TENT5D: variants seen among roughly 807,000 people sequenced by gnomAD.
TENT5D encodes the protein terminal nucleotidyltransferase 5D.
For synonymous variants in TENT5D, 103 were observed against 100.6 expected (o/e 1.02, Z -0.15); for missense variants, 191 against 287.0 (o/e 0.67, Z 2.42).
chrX:80,347,737 AGTCTTTGCCCATGCCTAC>A (rs1311765053), intron 3 of TENT5D, among the ~76,000 whole-genome samples: 2 of 112,067 alleles, frequency 1.8e-5, no homozygotes, highest in East Asian at 5.6e-4. Flanking sequence ...TTAGTCATGA[AGTCTTTGCCCATGCCTAC>A]GTCCTGAATG....
intron 3 of TENT5D, among the ~76,000 whole-genome samples, chrX:80,351,353 T>C (rs1405973097): frequency 9.3e-6 from 1 of 107,915 alleles, no homozygotes; most frequent in Non-Finnish European, 1.9e-5. Context: ...GTTTCAATGT[T>C]TTTTTTTTCT....
intron 3 of TENT5D, among the ~76,000 whole-genome samples, chrX:80,396,293 A>G (rs1244096184): frequency 9.7e-6 from 1 of 103,023 alleles, no homozygotes; most frequent in African/African-American, 3.6e-5. Context: ...TTTTTCTTTT[A>G]TTGATCATTC....
At chrX:80,365,895 T>C (rs1194499786) in intron 3 of TENT5D, among the ~76,000 whole-genome samples, 1 of 111,009 alleles carries the variant, frequency 9.0e-6, no homozygotes, top group Non-Finnish European at 1.9e-5. Flanking sequence ...TTAAAGTATT[T>C]AGCAAACTAC....
At chrX:80,384,989 A>G (rs1930961021) in intron 3 of TENT5D, among the ~76,000 whole-genome samples, 1 of 111,701 alleles carries the variant, frequency 9.0e-6, no homozygotes, top group Admixed American at 9.5e-5. Flanking sequence ...GAAAATGGCC[A>G]TACTGCCCAA....
chrX:80,385,730 AAAAC>A lies in TENT5D; in HGVS notation c.-142+43173_-142+43176del, dbSNP rs771843281. Among the ~76,000 whole-genome samples, 11 of 112,411 alleles carry A rather than the reference AAAAC, an allele frequency of 9.8e-5. No individual in the cohort carries two copies. The East Asian group carries it at 1.9e-3, about 20-fold the overall frequency. On this transcript the variant is annotated intron_variant, in intron 3 of 4. Transcript: ENST00000538312. The stretch of plus-strand genomic sequence containing the variant: ...AGAACTTAAACAAATGTACAAGAAA[AAAAC>A]AAACAACCCCATCAACAAGTGGGTG...
At chrX:80,415,542 C>A (rs1452483323), upstream of TENT5D, among the ~76,000 whole-genome samples, 1 of 111,808 alleles carries the variant, frequency 8.9e-6, no homozygotes, top group Non-Finnish European at 1.9e-5. Flanking sequence ...GCCTTTTCTG[C>A]ATCTATTGAG....
At chrX:80,441,571 A>G (rs1932282583) in intron 2 of TENT5D, among the ~76,000 whole-genome samples, 1 of 111,355 alleles carries the variant, frequency 9.0e-6, no homozygotes, top group South Asian at 3.7e-4. Context: ...AATGTTATTT[A>G]CTTTCCTAGA....
chrX:80,414,956 G>A (rs1247525731), intron 3 of TENT5D, among the ~76,000 whole-genome samples: 1 of 111,184 alleles, frequency 9.0e-6, no homozygotes, highest in Non-Finnish European at 1.9e-5. Flanking sequence ...TTTGTATTAT[G>A]TCTGATATTT....
chrX:80,386,706 T>C (rs1032634823), intron 3 of TENT5D, among the ~76,000 whole-genome samples: 1 of 111,580 alleles, frequency 9.0e-6, no homozygotes, highest in African/African-American at 3.3e-5. Flanking sequence ...CCAGTGTGGA[T>C]TCAGAAATTA....
chrX:80,412,874 G>T (rs964864609), intron 3 of TENT5D, among the ~76,000 whole-genome samples: 54 of 111,579 alleles, frequency 4.8e-4, no homozygotes, highest in African/African-American at 1.5e-3. Context: ...ATAACCTGTG[G>T]ATTCCAGGTT....
At chrX:80,384,692 A>T (rs1930953638) in intron 3 of TENT5D, among the ~76,000 whole-genome samples, 1 of 103,976 alleles carries the variant, frequency 9.6e-6, no homozygotes, top group Non-Finnish European at 2.0e-5. Flanking sequence ...TCTCAGCCCA[A>T]AATCTCCTGA....
chrX:80,335,789 G>A (rs769453406), intron 2 of TENT5D: 1 of 111,383 alleles, frequency 9.0e-6, no homozygotes, highest in Non-Finnish European at 1.9e-5. Flanking sequence ...TAGCGCGGCT[G>A]GTAAATTTGA....
At chrX:80,358,668 A>C (rs1267575497) in intron 3 of TENT5D, among the ~76,000 whole-genome samples, 1 of 112,213 alleles carries the variant, frequency 8.9e-6, no homozygotes, top group African/African-American at 3.2e-5. Context: ...CCTTTGTTGA[A>C]TCTAACCAGT....
chrX:80,377,359 ATTT>A (rs1930751247), intron 3 of TENT5D, among the ~76,000 whole-genome samples: 1 of 110,788 alleles, frequency 9.0e-6, no homozygotes, highest in Admixed American at 9.7e-5. Flanking sequence ...TACGTTAGGT[ATTT>A]CTCCTAATAC....
rs1930463074 is a variant in TENT5D, at chrX:80,364,247, C to G, written c.-142+21683C>G. Among the ~76,000 whole-genome samples, 3 of 111,477 alleles carry G rather than the reference C, an allele frequency of 2.7e-5. No homozygotes were observed. The Admixed American group carries it at 2.9e-4, about 11-fold the overall frequency. On this transcript the variant is annotated intron_variant, in intron 3 of 4. Transcript: ENST00000538312. ...GTCTATAAATGAACTAATGATTACC[C>G]CTAATTCAGGACAGGTGCATATACA...
At chrX:80,443,840 A>G in exon 3 of TENT5D, 2 of 581,739 alleles carry the variant, frequency 3.4e-6, no homozygotes, top group Non-Finnish European at 2.6e-6. Context: ...CAGTTGATGG[A>G]ATAGTAGTTA....
intron 3 of TENT5D, among the ~76,000 whole-genome samples, chrX:80,372,803 C>T (rs1379907494): frequency 1.9e-5 from 2 of 107,296 alleles, no homozygotes; most frequent in Non-Finnish European, 3.8e-5. Flanking sequence ...AGGAGAATCG[C>T]TTGAACCTGG....
chrX:80,432,317 GA>G (rs1301078503), intron 1 of TENT5D, among the ~76,000 whole-genome samples: 1 of 111,511 alleles, frequency 9.0e-6, no homozygotes, highest in African/African-American at 3.3e-5. Flanking sequence ...GTTGCCCCAG[GA>G]CCTCCTTCCG....
In TENT5D at chrX:80,408,778, G is replaced by A. The variant is rs780936750; in HGVS notation, c.-141-29832G>A. On this transcript the variant is annotated intron_variant, in intron 3 of 4. Transcript: ENST00000538312. ...CAAGCATCATTCTGATACCAAAGCC[G>A]GGCAGAGACACAGCCAAAAAAGAGA... Among the ~76,000 whole-genome samples, 96 of 111,007 alleles carry A rather than the reference G, an allele frequency of 8.6e-4. No homozygotes were observed. The South Asian group carries it at 0.036, about 41-fold the overall frequency.
Sources: allele counts gnomAD v4.1 joint callset (sites outside exome capture counted in the v4.1 genomes callset), GRCh38; gene constraint gnomAD v4.1.1; transcripts MANE v1.5; gene names NCBI Gene and HGNC (gene_info 2026-07-23, HGNC 2026-07-21).